CDC25B: variants seen among roughly 807,000 people sequenced by gnomAD.
CDC25B encodes cell division cycle 25B.
A neutral mutation model predicts 69.8 loss-of-function variants in CDC25B; 33 were observed. The observed-to-expected ratio is 0.47, with a 90% CI of 0.36 to 0.63. CDC25B has a LOEUF of 0.63. CDC25B is among the 30% of genes least tolerant of loss of function. CDC25B has a pLI of 0.00. For synonymous variants in CDC25B, 341 were observed against 314.6 expected (o/e 1.08, Z -0.89); for missense variants, 727 against 809.1 (o/e 0.90, Z 1.23).
At position 3,804,686 on chromosome 20, in the gene CDC25B, G is replaced by C; in HGVS notation, c.1602+6G>C. On this transcript the variant is annotated splice_donor_region_variant and intron_variant, in intron 15 of 15. Coordinates refer to ENST00000245960, the MANE Select transcript of CDC25B (RefSeq NM_021873.4). ...AGTTCTTCCCTCAGCACCCGGTAGC[G>C]TGGGTGGGGAAGGCCACAGTCTCTG... 6.2e-7 allele frequency: 1 copy of C among 1,608,562 alleles called. No homozygotes were observed. The highest frequency in any genetic ancestry group is 2.2e-5 in the East Asian group (1 of 44,810).
At chr20:3,793,109 A>C (rs888882813), upstream of CDC25B, among the ~76,000 whole-genome samples, 6 of 152,378 alleles carry the variant, frequency 3.9e-5, no homozygotes, top group Admixed American at 2.6e-4. Flanking sequence ...AAAATATTAC[A>C]GTAATTTCAT....
At chr20:3,796,169 T>G (rs990774998), upstream of CDC25B, 71 of 1,143,808 alleles carry the variant, frequency 6.2e-5, no homozygotes, top group African/African-American at 5.4e-4. Flanking sequence ...AGCCTGGAAA[T>G]CCAGCCTCCG....
intron 7 of CDC25B, 38 bp downstream of exon 7, chr20:3,801,131 G>T (rs762988071): frequency 4.3e-6 from 7 of 1,610,898 alleles, no homozygotes; most frequent in Non-Finnish European, 5.9e-6. Context: ...GGGGCCTGGG[G>T]AGGCAGCCTC....
At chr20:3,792,593 G>A (rs1374172833), upstream of CDC25B, among the ~76,000 whole-genome samples, 2 of 152,118 alleles carry the variant, frequency 1.3e-5, no homozygotes, top group Admixed American at 6.5e-5. Flanking sequence ...TCAGCCTCCC[G>A]AGTAGCTGGG....
chr20:3,798,490 C>T (rs750602288), intron 3 of CDC25B, 27 bp downstream of exon 3: 1 of 1,554,170 alleles, frequency 6.4e-7, no homozygotes, highest in Admixed American at 1.8e-5. Context: ...ATGTGTACTT[C>T]CAAGCATTCA....
chr20:3,802,565 C>T (rs1246506963), intron 11 of CDC25B, among the ~76,000 whole-genome samples, 189 bp downstream of exon 11: 1 of 152,204 alleles, frequency 6.6e-6, no homozygotes, highest in African/African-American at 2.4e-5. Context: ...CCTGACTCCA[C>T]CTCAAGTCAG....
intron 3 of CDC25B, among the ~76,000 whole-genome samples, chr20:3,799,786 C>A (rs540069695): frequency 6.6e-6 from 1 of 152,240 alleles, no homozygotes; most frequent in Non-Finnish European, 1.5e-5. Flanking sequence ...AAGCAGGCCC[C>A]AGTCCTCAGA....
At chr20:3,794,369 A>T (rs895077665), upstream of CDC25B, among the ~76,000 whole-genome samples, 1 of 141,130 alleles carries the variant, frequency 7.1e-6, no homozygotes, top group Non-Finnish European at 1.5e-5. Flanking sequence ...GCATTTTTTC[A>T]TGTGTTTTTT....
intron 2 of CDC25B, 142 bp from the exon 3 acceptor site, chr20:3,798,270 G>A: frequency 2.0e-6 from 1 of 506,912 alleles, no homozygotes; most frequent in South Asian, 4.2e-5. Flanking sequence ...CCATGGTTGG[G>A]TTTTTGTTTC....
rs774257429 is a variant in CDC25B, at chr20:3,805,006, G to A, written c.*45G>A. 1 of 1,589,676 alleles carries A rather than the reference G, an allele frequency of 6.3e-7. No homozygotes were observed. The highest frequency in any genetic ancestry group is 1.1e-5 in the South Asian group (1 of 89,680). On this transcript the variant is annotated 3_prime_UTR_variant, in exon 16 of 16. Transcript: ENST00000245960. Reference sequence around the variant, plus strand: ...CTACCTCCCTTGCCTTTCGAGGCCTGAAGCCAGCTGCCCTATGGGCCTGCC... The same window carrying A: ...CTACCTCCCTTGCCTTTCGAGGCCTAAAGCCAGCTGCCCTATGGGCCTGCC...
In CDC25B at chr20:3,805,078, T is replaced by C. The variant is rs2146710705; in HGVS notation, c.*117T>C. ...CCTCAGGTGCTGTCCATGGGAAAGA[T>C]GGTGTGGGTGTCCTGCCTGTCTGCC... On this transcript the variant is annotated 3_prime_UTR_variant, in exon 16 of 16. Transcript: ENST00000245960. The C allele has an allele frequency of 1.9e-6, 2 of 1,054,280 alleles. No individual in the cohort carries two copies. The allele number at this position is 1,054,280 out of a possible 1,614,324, so 65.3% of individuals were successfully genotyped here. A position where few individuals can be genotyped will look rare whatever the true frequency, so the allele number is the denominator to read the frequency against.
chr20:3,798,279 T>C, intron 2 of CDC25B, 133 bp from the exon 3 acceptor site: 1 of 550,454 alleles, frequency 1.8e-6, no homozygotes, highest in South Asian at 4.0e-5. Context: ...GGTTTTTGTT[T>C]CATTTTCTAA....
At chr20:3,798,601 G>T (rs2146677274) in intron 3 of CDC25B, 138 bp downstream of exon 3, 2 of 565,522 alleles carry the variant, frequency 3.5e-6, no homozygotes, top group Non-Finnish European at 6.1e-6. Context: ...ATGGCCGGGG[G>T]GCTCACTGAC....
upstream of CDC25B, among the ~76,000 whole-genome samples, chr20:3,795,109 C>T (rs544122021): frequency 6.6e-6 from 1 of 152,102 alleles, no homozygotes; most frequent in African/African-American, 2.4e-5. Context: ...TGCGTGTAAT[C>T]CCAGCACTTT....
rs374888909 is a variant in CDC25B, at chr20:3,803,505, C to T, written c.1458C>T (p.His486=). The change falls in exon 14 of 16, where the codon CAC becomes CAT. Residue 486 remains histidine, a synonymous_variant. Transcript: ENST00000245960. The surrounding 1 kb of genome is among the most constrained non-coding windows in gnomAD (Gnocchi z 4.9). Reference sequence around the variant, plus strand: ...ACAAGAGAGTCATCCTCATTTTCCACTGTGAATTCTCATCTGAGCGTGGGC... The same window carrying T: ...ACAAGAGAGTCATCCTCATTTTCCATTGTGAATTCTCATCTGAGCGTGGGC... The part of the protein sequence containing the change: ...SLDKRVILIF[H]CEFSSERGPR... 9.9e-6 allele frequency: 16 copies of T among 1,614,006 alleles called. No individual in the cohort carries two copies. Among genetic ancestry groups the T allele is most frequent in the Non-Finnish European group, 1.4e-5 (16 of 1,180,020 alleles).
chr20:3,790,905 C>T (rs1483319821), intron 1 of CDC25B, among the ~76,000 whole-genome samples: 1 of 151,932 alleles, frequency 6.6e-6, no homozygotes, highest in Admixed American at 6.6e-5. Context: ...AGAGTTTCAC[C>T]ATGTTGCCCA....
upstream of CDC25B, among the ~76,000 whole-genome samples, chr20:3,793,068 C>T (rs902884884): frequency 1.3e-5 from 2 of 152,108 alleles, no homozygotes; most frequent in East Asian, 1.9e-4. Flanking sequence ...GATAACATGT[C>T]GAATAATATT....
chr20:3,797,682 C>G lies in CDC25B; in HGVS notation c.261C>G (p.His87Gln), dbSNP rs370072424. ...LLFRSRSRLT[H>Q]LSLSRRASES... ...TCCGCAGCCGCAGCCGCCTGACGCA[C>G]CTATCCCTGTCTCGACGGGCATCCG... Residue 87 changes from histidine to glutamine, a missense_variant, in exon 2 of 16, where the codon CAC (histidine) becomes CAG (glutamine). Physicochemically the swap from His to Gln is conservative, Grantham distance 24. Around this residue, in one of 2 missense-constraint regions of CDC25B, gnomAD observed 368 missense variants for 345.6 expected, o/e 1.06. Coordinates refer to ENST00000245960, the MANE Select transcript of CDC25B (RefSeq NM_021873.4). 1 of 1,614,178 alleles carries G rather than the reference C, an allele frequency of 6.2e-7. No individual in the cohort carries two copies. The highest frequency in any genetic ancestry group is 1.1e-5 in the South Asian group (1 of 91,086).
Position 3,797,657 on chromosome 20 carries a change from T to G in CDC25B, c.236T>G (p.Phe79Cys), listed in dbSNP as rs202156665. The G allele has an allele frequency of 9.5e-5, 154 of 1,614,088 alleles. No individual in the cohort carries two copies. Among genetic ancestry groups the G allele is most frequent in the Admixed American group, 2.3e-4 (14 of 60,026 alleles). The change falls in exon 2 of 16, where the codon TTC becomes TGC. Residue 79 changes from phenylalanine (F) to cysteine (C), a missense_variant. Transcript: ENST00000245960. ...TPKSQVGTLL[F>C]RSRSRLTHLS... ...AAGAGTCAGGTAGGGACCCTGCTCT[T>G]CCGCAGCCGCAGCCGCCTGACGCAC... is the stretch of plus-strand genomic sequence containing the variant.
Sources: allele counts gnomAD v4.1 joint callset (sites outside exome capture counted in the v4.1 genomes callset), GRCh38; gene constraint gnomAD v4.1.1; regional missense constraint gnomAD v4.1.1; non-coding constraint Gnocchi (gnomAD v3.1); transcripts MANE v1.5; gene names NCBI Gene and HGNC (gene_info 2026-07-23, HGNC 2026-07-21).